Variants in IGSF3 observed in about 807,000 individuals in gnomAD.
IGSF3 encodes glu-Trp-Ile EWI motif-containing protein 3.
A neutral mutation model predicts 114.4 loss-of-function variants in IGSF3; 23 were observed. The observed-to-expected ratio is 0.20, with a 90% confidence interval of 0.14 to 0.28. The LOEUF is 0.28. Ranked by LOEUF, IGSF3 falls within the 10% of genes least tolerant of loss-of-function variation. The pLI is 1.00. For synonymous variants in IGSF3, 571 were observed against 645.2 expected (o/e 0.88, Z 1.74); for missense variants, 1,172 against 1,591.5 (o/e 0.74, Z 4.48).
rs1660454665 is a variant in IGSF3, at chr1:116,598,935, G to A, written c.2029+1006C>T. 6.6e-6 allele frequency among the ~76,000 whole-genome samples: 1 copy of A among 152,184 alleles called. No homozygotes were observed. The highest frequency in any genetic ancestry group is 2.4e-5 in the African/African-American group (1 of 41,442). On this transcript the variant is annotated intron_variant, in intron 7 of 10. Coordinates refer to ENST00000369486, the MANE Select transcript of IGSF3 (RefSeq NM_001007237.3). This position sits in a 1 kb window ranked among gnomAD's most constrained non-coding sequence, Gnocchi z 4.3. The stretch of plus-strand genomic sequence containing the variant: ...TTTGCAGAAAGCCCCACTGACTAAT[G>A]CTCCCCAAATTAATGCATCCTTATG...
Position 116,592,600 on chromosome 1 carries a change from C to T in IGSF3, c.2030-3496G>A, listed in dbSNP as rs1186012753. 6.6e-6 allele frequency among the ~76,000 whole-genome samples: 1 copy of T among 152,134 alleles called. No individual in the cohort carries two copies. The highest frequency in any genetic ancestry group is 1.5e-5 in the Non-Finnish European group (1 of 68,034). On this transcript the variant is annotated intron_variant, in intron 7 of 10. Transcript: ENST00000369486. This position sits in a 1 kb window ranked among gnomAD's most constrained non-coding sequence, Gnocchi z 4.5. ...TCAGGAAGAGGGAAGAACTTCGCAG[C>T]GGAGACCAGCAGCAGCTTTCTCAGC... is the stretch of plus-strand genomic sequence containing the variant.
Position 116,651,383 on chromosome 1 carries a change from T to G in IGSF3, c.43+14901A>C, listed in dbSNP as rs1409345170. Among the ~76,000 whole-genome samples, 1 of 152,182 alleles carries G rather than the reference T, an allele frequency of 6.6e-6. No individual in the cohort carries two copies. The highest frequency in any genetic ancestry group is 2.4e-5 in the African/African-American group (1 of 41,436). Reference sequence around the variant, plus strand: ...AAATACACATGCTCCCACCTGAGGCTGGGAAATGTACCAAGAACTGCATAG... The same window carrying G: ...AAATACACATGCTCCCACCTGAGGCGGGGAAATGTACCAAGAACTGCATAG... On this transcript the variant is annotated intron_variant, in intron 2 of 10. Coordinates refer to ENST00000369486, the MANE Select transcript of IGSF3 (RefSeq NM_001007237.3). This position sits in a 1 kb window ranked among gnomAD's most constrained non-coding sequence, Gnocchi z 4.4.
rs780336336 is a variant in IGSF3 at position 116,577,489 on chromosome 1, G to T, written c.3408C>A (p.Ile1136=). Reference sequence around the variant, plus strand: ...GGATGGTGATGATAAGAATGCCAAAGATGGGGAAAGGGTAGAAGAAGACGA... The same window carrying T: ...GGATGGTGATGATAAGAATGCCAAATATGGGGAAAGGGTAGAAGAAGACGA... ...FYFVFFYPFP[I]FGILIITILL... is the part of the protein sequence containing the mutation. Residue 1136 remains isoleucine (I), a synonymous_variant, in exon 11 of 11, where the codon ATC becomes ATA. Coordinates refer to ENST00000369486, the MANE Select transcript of IGSF3 (RefSeq NM_001007237.3). The surrounding 1 kb of genome is among the most constrained non-coding windows in gnomAD (Gnocchi z 5.7). The T allele has an allele frequency of 6.2e-7, 1 of 1,614,164 alleles. No individual in the cohort carries two copies. Among genetic ancestry groups the T allele is most frequent in the African/African-American group, 1.3e-5 (1 of 75,034 alleles).
Position 116,585,128 on chromosome 1 carries a change from G to A in IGSF3, c.2441-76C>T, listed in dbSNP as rs914175800. On this transcript the variant is annotated intron_variant, in intron 8 of 10. Coordinates refer to ENST00000369486, the MANE Select transcript of IGSF3 (RefSeq NM_001007237.3). The surrounding 1 kb of genome is among the most constrained non-coding windows in gnomAD (Gnocchi z 4.9). ...GTACGCACCCTTTCCCAGGGTAGGT[G>A]AATGGATGCCTTCCAAATACAGAAG... 75 of 1,137,880 alleles carry A rather than the reference G, an allele frequency of 6.6e-5. No individual in the cohort carries two copies. Among genetic ancestry groups the A allele is most frequent in the Non-Finnish European group, 8.4e-5 (68 of 811,516 alleles). The allele number at this position is 1,137,880 out of a possible 1,614,324, so 70.5% of individuals were successfully genotyped here. A position where few individuals can be genotyped will look rare whatever the true frequency, so the allele number is the denominator to read the frequency against.
intron 2 of IGSF3, among the ~76,000 whole-genome samples, chr1:116,621,430 G>A (rs1661412222): frequency 1.3e-5 from 2 of 152,188 alleles, no homozygotes; most frequent in South Asian, 2.1e-4. Flanking sequence ...CCAGAGTGTA[G>A]GGATCACAGG....
In IGSF3 at chr1:116,593,944, G is replaced by A. The variant is rs1457694966; in HGVS notation, c.2030-4840C>T. On this transcript the variant is annotated intron_variant, in intron 7 of 10. Transcript: ENST00000369486. The surrounding 1 kb of genome is among the most constrained non-coding windows in gnomAD (Gnocchi z 4.5). ...CAAAACTCTGCCTCGTGTCCTGTGT[G>A]ACTTTCGAATGACATTCATATGGGC... is the stretch of plus-strand genomic sequence containing the variant. Among the ~76,000 whole-genome samples the A allele has an allele frequency of 6.6e-6, 1 of 152,242 alleles. No homozygotes were observed. The highest frequency in any genetic ancestry group is 1.5e-5 in the Non-Finnish European group (1 of 68,052).
chr1:116,586,671 A>C (rs529602020), intron 8 of IGSF3, among the ~76,000 whole-genome samples: 1 of 152,298 alleles, frequency 6.6e-6, no homozygotes, highest in South Asian at 2.1e-4. Flanking sequence ...AAATCCCCTC[A>C]ATAAATTTAG....
rs1288314762 is a variant in IGSF3, at chr1:116,618,466, G to C, written c.44-2009C>G. Among the ~76,000 whole-genome samples, 1 of 152,210 alleles carries C rather than the reference G, an allele frequency of 6.6e-6. No individual in the cohort carries two copies. The highest frequency in any genetic ancestry group is 1.5e-5 in the Non-Finnish European group (1 of 68,046). On this transcript the variant is annotated intron_variant, in intron 2 of 10. Coordinates refer to ENST00000369486, the MANE Select transcript of IGSF3 (RefSeq NM_001007237.3). This position sits in a 1 kb window ranked among gnomAD's most constrained non-coding sequence, Gnocchi z 4.7. ...AGTGATCCTGTAAGATTATAATGGA[G>C]CATATATAGAGATCTAATATATGGC...
chr1:116,598,723 A>G lies in IGSF3; in HGVS notation c.2029+1218T>C, dbSNP rs1456940534. Among the ~76,000 whole-genome samples the G allele has an allele frequency of 6.6e-6, 1 of 152,202 alleles. No homozygotes were observed. Among genetic ancestry groups the G allele is most frequent in the Admixed American group, 6.5e-5 (1 of 15,280 alleles). On this transcript the variant is annotated intron_variant, in intron 7 of 10. Coordinates refer to ENST00000369486, the MANE Select transcript of IGSF3 (RefSeq NM_001007237.3). This position sits in a 1 kb window ranked among gnomAD's most constrained non-coding sequence, Gnocchi z 4.3. ...GTCAAACCCTTGCCCTTGCCTGCAC[A>G]GGTGTCTGTTCCAGCCGAGGCATGG... is the stretch of plus-strand genomic sequence containing the variant.
chr1:116,600,261 G>C lies in IGSF3; in HGVS notation c.1709C>G (p.Pro570Arg). 6.2e-7 allele frequency: 1 copy of C among 1,614,088 alleles called. No individual in the cohort carries two copies. Among genetic ancestry groups the C allele is most frequent in the Non-Finnish European group, 8.5e-7 (1 of 1,179,978 alleles). ...DSFDLQCIIK[P>R]HYPAWVPVSV... Reference sequence around the variant, plus strand: ...CACGGGGACCCAGGCAGGGTAGTGGGGTTTGATGATACACTGCAAGTCAAA... The same window carrying C: ...CACGGGGACCCAGGCAGGGTAGTGGCGTTTGATGATACACTGCAAGTCAAA... Residue 570 changes from proline (P) to arginine (R), a missense_variant, in exon 7 of 11, where the codon CCC becomes CGC. Transcript: ENST00000369486. The surrounding 1 kb of genome is among the most constrained non-coding windows in gnomAD (Gnocchi z 5.5).
intron 4 of IGSF3, among the ~76,000 whole-genome samples, chr1:116,611,419 C>A (rs1225972461): frequency 6.6e-6 from 1 of 152,184 alleles, no homozygotes; most frequent in African/African-American, 2.4e-5. Context: ...AACACACACC[C>A]ATGTCTAACC....
At position 116,627,495 on chromosome 1, in the gene IGSF3, C is replaced by T. The variant is rs1647345206; in HGVS notation, c.44-11038G>A. ...CTCCTGCCACACTCAGCACTGCCTG[C>T]ACCTCCTCCTGGAGCTGGCAGGGCC... On this transcript the variant is annotated intron_variant, in intron 2 of 10. Coordinates refer to ENST00000369486, the MANE Select transcript of IGSF3 (RefSeq NM_001007237.3). The surrounding 1 kb of genome is among the most constrained non-coding windows in gnomAD (Gnocchi z 4.7). 6.6e-6 allele frequency among the ~76,000 whole-genome samples: 1 copy of T among 152,204 alleles called. No individual in the cohort carries two copies. The highest frequency in any genetic ancestry group is 2.4e-5 in the African/African-American group (1 of 41,442).
In IGSF3 at chr1:116,607,797, C is replaced by T. The variant is rs1423303070; in HGVS notation, c.1222+145G>A. Reference sequence around the variant, plus strand: ...GGTGGGCTACAACAGGGAAGAGAGGCTCAATGGTTTTTCCCCCAGCTCTGC... The same window carrying T: ...GGTGGGCTACAACAGGGAAGAGAGGTTCAATGGTTTTTCCCCCAGCTCTGC... On this transcript the variant is annotated intron_variant, in intron 5 of 10. Coordinates refer to ENST00000369486, the MANE Select transcript of IGSF3 (RefSeq NM_001007237.3). The surrounding 1 kb of genome is among the most constrained non-coding windows in gnomAD (Gnocchi z 6.1). 1.3e-6 allele frequency: 1 copy of T among 779,054 alleles called. No individual in the cohort carries two copies. The highest frequency in any genetic ancestry group is 2.5e-5 in the Admixed American group (1 of 40,604). 48.3% of individuals were successfully genotyped at this position (779,054 alleles called of 1,614,324 possible). A position where few individuals can be genotyped will look rare whatever the true frequency, so the allele number is the denominator to read the frequency against.
chr1:116,639,988 C>T (rs1476573844), intron 2 of IGSF3, among the ~76,000 whole-genome samples: 9 of 143,008 alleles, frequency 6.3e-5, no homozygotes, highest in Non-Finnish European at 1.5e-5. Context: ...TGCAATGAGC[C>T]GAGATGGCAC....
chr1:116,574,916 C>G lies in IGSF3; in HGVS notation c.*2396G>C, dbSNP rs997480762. ...TCAACCTTTGATGCTATCCCCCAGC[C>G]CAATACAAAATACACAGAAAAAGCA... On this transcript the variant is annotated 3_prime_UTR_variant, in exon 11 of 11. Coordinates refer to ENST00000369486, the MANE Select transcript of IGSF3 (RefSeq NM_001007237.3). The surrounding 1 kb of genome is among the most constrained non-coding windows in gnomAD (Gnocchi z 5.2). The G allele has an allele frequency of 2.0e-5, 3 of 152,604 alleles. No individual in the cohort carries two copies. Among genetic ancestry groups the G allele is most frequent in the African/African-American group, 7.2e-5 (3 of 41,422 alleles). 9.5% of individuals were successfully genotyped at this position (152,604 alleles called of 1,614,324 possible). A position where few individuals can be genotyped will look rare whatever the true frequency, so the allele number is the denominator to read the frequency against.
chr1:116,627,392 T>A lies in IGSF3; in HGVS notation c.44-10935A>T, dbSNP rs1221988735. On this transcript the variant is annotated intron_variant, in intron 2 of 10. Coordinates refer to ENST00000369486, the MANE Select transcript of IGSF3 (RefSeq NM_001007237.3). The surrounding 1 kb of genome is among the most constrained non-coding windows in gnomAD (Gnocchi z 4.7). ...AGATTTTCAGTCTGGGAGAAAGGTG[T>A]CTGCTGGATTTCAAACAGTCCCTCT... 6.6e-6 allele frequency among the ~76,000 whole-genome samples: 1 copy of A among 152,184 alleles called. No homozygotes were observed. Among genetic ancestry groups the A allele is most frequent in the Non-Finnish European group, 1.5e-5 (1 of 68,030 alleles).
In IGSF3 at chr1:116,651,977, A is replaced by G. The variant is rs1440193678; in HGVS notation, c.43+14307T>C. 1.3e-5 allele frequency among the ~76,000 whole-genome samples: 2 copies of G among 152,212 alleles called. No individual in the cohort carries two copies. Among genetic ancestry groups the G allele is most frequent in the African/African-American group, 4.8e-5 (2 of 41,454 alleles). ...AAGCATATAGCAGAACACATCATAT[A>G]TTTGTTAAATGTATTGATTAGTGTT... On this transcript the variant is annotated intron_variant, in intron 2 of 10. Coordinates refer to ENST00000369486, the MANE Select transcript of IGSF3 (RefSeq NM_001007237.3). This position sits in a 1 kb window ranked among gnomAD's most constrained non-coding sequence, Gnocchi z 4.4.
At chr1:116,619,347 A>G (rs1661337509) in intron 2 of IGSF3, among the ~76,000 whole-genome samples, 1 of 152,160 alleles carries the variant, frequency 6.6e-6, no homozygotes, top group Non-Finnish European at 1.5e-5. Context: ...TCCCCACCCA[A>G]TGGTAAACAG....
In IGSF3 at chr1:116,627,598, G is replaced by T. The variant is rs536339034; in HGVS notation, c.44-11141C>A. On this transcript the variant is annotated intron_variant, in intron 2 of 10. Coordinates refer to ENST00000369486, the MANE Select transcript of IGSF3 (RefSeq NM_001007237.3). This position sits in a 1 kb window ranked among gnomAD's most constrained non-coding sequence, Gnocchi z 4.7. ...CCCAGGGCCCTGCTGACAACAGGCC[G>T]GGAGCGCATCTGCAGGCAGCGTCAG... Among the ~76,000 whole-genome samples the T allele has an allele frequency of 7.2e-5, 11 of 152,338 alleles. No homozygotes were observed. Among genetic ancestry groups the T allele is most frequent in the African/African-American group, 2.4e-4 (10 of 41,578 alleles).
Sources: gnomAD v4.1 joint callset for allele counts (sites outside exome capture counted in the v4.1 genomes callset) on GRCh38, gnomAD v4.1.1 for gene constraint, Gnocchi (gnomAD v3.1) non-coding constraint, MANE v1.5 for transcripts, NCBI Gene and HGNC (gene_info 2026-07-23, HGNC 2026-07-21) for gene names.